The following MBD5 variants were observed in gnomAD, a reference collection of about 807,000 sequenced individuals.
MBD5 encodes methyl-CpG-binding domain protein 5.
A neutral mutation model predicts 117.3 loss-of-function variants in MBD5; 13 were observed. The observed-to-expected ratio is 0.11, with a 90% CI of 0.07 to 0.18. The LOEUF (loss-of-function observed/expected upper bound fraction) is 0.18, where lower values mean the gene tolerates loss of function less well. Among genes scored for constraint, MBD5 ranks in the 10% least tolerant of loss-of-function variants. MBD5 has a pLI of 1.00. For missense variants in MBD5, 1,879 were observed against 2,093.8 expected, an observed-to-expected ratio of 0.90 and a Z score of 2.00; for synonymous variants, 727 against 766.4, an observed-to-expected ratio of 0.95 and a Z score of 0.85.
At chr2:148,372,999 A>G (rs948067306) in intron 4 of MBD5, among the ~76,000 whole-genome samples, 10 of 152,132 alleles carry the variant, frequency 6.6e-5, no homozygotes, top group African/African-American at 2.4e-4. Context: ...AAAGACCTAC[A>G]TCTTTTCTTT....
intron 4 of MBD5, among the ~76,000 whole-genome samples, chr2:148,389,814 T>C (rs561876837): frequency 1.3e-5 from 2 of 152,302 alleles, no homozygotes; most frequent in South Asian, 4.1e-4. Flanking sequence ...TTTAACTTCC[T>C]TATAGATTCT....
chr2:148,359,683 T>C (rs1703480216), intron 4 of MBD5, among the ~76,000 whole-genome samples: 1 of 152,228 alleles, frequency 6.6e-6, no homozygotes, highest in Non-Finnish European at 1.5e-5. Flanking sequence ...ATAGATCTTT[T>C]TGATAATAGG....
intron 3 of MBD5, among the ~76,000 whole-genome samples, chr2:148,290,513 T>G (rs569279389): frequency 6.6e-6 from 1 of 152,208 alleles, no homozygotes; most frequent in East Asian, 1.9e-4. Flanking sequence ...CAATACAAAT[T>G]ATCAGTCTCC....
intron 4 of MBD5, among the ~76,000 whole-genome samples, chr2:148,457,353 A>G (rs1343271078): frequency 3.3e-5 from 5 of 152,166 alleles, no homozygotes; most frequent in East Asian, 1.9e-4. Context: ...TATATACAGT[A>G]TATTAAATTG....
intron 2 of MBD5, among the ~76,000 whole-genome samples, chr2:148,230,526 T>A (rs187936760): frequency 2.0e-5 from 3 of 152,114 alleles, no homozygotes; most frequent in African/African-American, 7.2e-5. Flanking sequence ...AATAACCTGC[T>A]TGGTGCTCTG....
chr2:148,035,454 T>C (rs1016150284), intron 1 of MBD5, among the ~76,000 whole-genome samples: 3 of 152,192 alleles, frequency 2.0e-5, no homozygotes, highest in African/African-American at 7.2e-5. Context: ...AGGACTGATA[T>C]ACTTCATTTT....
At chr2:148,392,406 A>G (rs1381551336) in intron 4 of MBD5, among the ~76,000 whole-genome samples, 1 of 152,216 alleles carries the variant, frequency 6.6e-6, no homozygotes, top group South Asian at 2.1e-4. Flanking sequence ...CTTGTTAAAA[A>G]TACAGATGCC....
At chr2:148,172,208 C>G (rs1698279228) in intron 1 of MBD5, among the ~76,000 whole-genome samples, 1 of 152,208 alleles carries the variant, frequency 6.6e-6, no homozygotes, top group Admixed American at 6.5e-5. Context: ...CCTGCAGCCA[C>G]CCAGCAGTGG....
chr2:148,261,295 C>A (rs1175052801), intron 3 of MBD5, among the ~76,000 whole-genome samples: 11 of 152,200 alleles, frequency 7.2e-5, no homozygotes, highest in East Asian at 5.8e-4. Context: ...TCCTAAATGG[C>A]ATCTTCTAAT....
chr2:148,218,850 T>C (rs1352935615), intron 2 of MBD5, among the ~76,000 whole-genome samples: 2 of 152,186 alleles, frequency 1.3e-5, no homozygotes, highest in African/African-American at 4.8e-5. Flanking sequence ...TGGAAGTTGC[T>C]CTGAGTGAGT....
At chr2:148,086,163 G>A (rs1192998244) in intron 1 of MBD5, among the ~76,000 whole-genome samples, 1 of 149,060 alleles carries the variant, frequency 6.7e-6, no homozygotes, top group Non-Finnish European at 1.5e-5. Flanking sequence ...TATATACATG[G>A]TATATATTTT....
intron 4 of MBD5, among the ~76,000 whole-genome samples, chr2:148,353,215 TAA>T (rs1703288179): frequency 6.6e-6 from 1 of 152,160 alleles, no homozygotes; most frequent in Non-Finnish European, 1.5e-5. Context: ...TTAGTATAAT[TAA>T]ATTTTTATAG....
rs1318002209 is a variant in MBD5, at chr2:148,515,045, T to G, written c.*2104T>G. ...TTGACACATGTTTATAAGTTAAAAGTTGATGTGGCTAGTATGTTTAAACCA... is the reference window on the plus strand; with the variant it reads ...TTGACACATGTTTATAAGTTAAAAGGTGATGTGGCTAGTATGTTTAAACCA... On this transcript the variant is annotated 3_prime_UTR_variant, in exon 14 of 14. Coordinates refer to ENST00000642680, the MANE Select transcript of MBD5 (RefSeq NM_001378120.1). 1 of 152,234 alleles carries G rather than the reference T, an allele frequency of 6.6e-6. No individual in the cohort carries two copies. The highest frequency in any genetic ancestry group is 2.4e-5 in the African/African-American group (1 of 41,468). The allele number at this position is 152,234 out of a possible 1,614,324, so 9.4% of individuals were successfully genotyped here.
intron 1 of MBD5, among the ~76,000 whole-genome samples, chr2:148,078,383 C>T (rs1236308612): frequency 1.3e-5 from 2 of 151,958 alleles, no homozygotes; most frequent in African/African-American, 4.8e-5. Context: ...ACTTGTATGT[C>T]AGATTGACAA....
chr2:148,263,185 G>A (rs573602351), intron 3 of MBD5, among the ~76,000 whole-genome samples: 2 of 152,300 alleles, frequency 1.3e-5, no homozygotes, highest in African/African-American at 4.8e-5. Context: ...ATATACAGAA[G>A]GCTGTGGAAT....
intron 4 of MBD5, among the ~76,000 whole-genome samples, chr2:148,382,262 C>A (rs1035086609): frequency 6.6e-6 from 1 of 151,800 alleles, no homozygotes; most frequent in Admixed American, 6.6e-5. Flanking sequence ...GGAGGAAGAT[C>A]TACCAAGCAA....
chr2:148,061,291 C>T (rs1695028005), intron 1 of MBD5, among the ~76,000 whole-genome samples: 1 of 152,010 alleles, frequency 6.6e-6, no homozygotes, highest in African/African-American at 2.4e-5. Context: ...ATCAGTCGCT[C>T]AGTGGCCATT....
chr2:148,347,057 G>A (rs1244515062), intron 4 of MBD5: 1 of 151,888 alleles, frequency 6.6e-6, no homozygotes, highest in Non-Finnish European at 1.5e-5. Flanking sequence ...GATTTTCTCT[G>A]TTACTATTTC....
chr2:148,063,273 T>C (rs1695089694), intron 1 of MBD5, among the ~76,000 whole-genome samples: 2 of 152,188 alleles, frequency 1.3e-5, no homozygotes, highest in Non-Finnish European at 2.9e-5. Context: ...TCTTTACTCA[T>C]TTATTGTCTT....
Sources: allele counts gnomAD v4.1 joint callset (sites outside exome capture counted in the v4.1 genomes callset), GRCh38; gene constraint gnomAD v4.1.1; transcripts MANE v1.5; gene names NCBI Gene and HGNC (gene_info 2026-07-23, HGNC 2026-07-21).